The following SLC20A2 variants were observed in gnomAD, a reference collection of about 807,000 sequenced individuals.
SLC20A2 encodes sodium-dependent phosphate transporter 2.
In SLC20A2, 30 loss-of-function variants were observed where a neutral mutation model predicts 61.0. That is an observed-to-expected ratio of 0.49 (90% confidence interval 0.37 to 0.67). SLC20A2 has a LOEUF of 0.67. Among genes scored for constraint, SLC20A2 ranks in the 30% least tolerant of loss-of-function variants. The probability of loss-of-function intolerance (pLI) is 0.00; values close to 1 mark genes in which losing one functional copy is unlikely to be tolerated. For missense variants in SLC20A2, 626 were observed against 866.4 expected (o/e 0.72, Z 3.48); for synonymous variants, 351 against 353.3 (o/e 0.99, Z 0.07).
intron 1 of SLC20A2, among the ~76,000 whole-genome samples, chr8:42,500,018 A>C (rs1371342492): frequency 6.6e-6 from 1 of 152,254 alleles, no homozygotes; most frequent in Non-Finnish European, 1.5e-5. Context: ...AATAACAAAG[A>C]AGTCTTTAAC....
At chr8:42,503,267 T>C (rs1810434103), upstream of SLC20A2, among the ~76,000 whole-genome samples, 1 of 152,264 alleles carries the variant, frequency 6.6e-6, no homozygotes, top group African/African-American at 2.4e-5. Flanking sequence ...GGTATACTTA[T>C]GACAGTAGAT....
chr8:42,491,242 T>C (rs6474399), intron 1 of SLC20A2, among the ~76,000 whole-genome samples: 63,483 of 151,754 alleles, frequency 0.42, 13,444 homozygotes, highest in Admixed American at 0.47. Flanking sequence ...TGGCCGGGTA[T>C]GGTGACTCAT....
At chr8:42,462,633 G>GA (rs560239606) in intron 4 of SLC20A2, among the ~76,000 whole-genome samples, 69 of 150,588 alleles carry the variant, frequency 4.6e-4, no homozygotes, top group African/African-American at 1.6e-3. Flanking sequence ...TTTGGGTGAG[G>GA]AAATTCTCCA....
chr8:42,516,831 A>G (rs1451434850), intron 1 of SLC20A2, among the ~76,000 whole-genome samples: 2 of 144,794 alleles, frequency 1.4e-5, no homozygotes, highest in Non-Finnish European at 2.9e-5. Flanking sequence ...CGGTGCTCTA[A>G]CTAACCCACA....
At chr8:42,444,607 G>A (rs1360771841) in intron 6 of SLC20A2, 39 bp downstream of exon 6, 2 of 1,480,906 alleles carry the variant, frequency 1.4e-6, no homozygotes, top group Admixed American at 1.7e-5. Flanking sequence ...TGGGAATCGG[G>A]AGCATTTCTG....
chr8:42,519,003 G>T (rs1030277357), intron 1 of SLC20A2, among the ~76,000 whole-genome samples: 8 of 152,218 alleles, frequency 5.3e-5, no homozygotes, highest in African/African-American at 1.7e-4. Flanking sequence ...TAAAAGCTAT[G>T]TGGAACGCAC....
chr8:42,531,156 C>T (rs1231338367), intron 1 of SLC20A2, among the ~76,000 whole-genome samples: 1 of 152,186 alleles, frequency 6.6e-6, no homozygotes, highest in African/African-American at 2.4e-5. Flanking sequence ...AAGGACCATA[C>T]CTTATTCATC....
At position 42,500,357 on chromosome 8, in the gene SLC20A2, G is replaced by A. The variant is rs1330283747; in HGVS notation, c.-265+674C>T. On this transcript the variant is annotated intron_variant, in intron 1 of 10. Coordinates refer to ENST00000520262, the MANE Select transcript of SLC20A2 (RefSeq NM_001257180.2). ...TTTGTTTTCTTCAGTACAAATTTAA[G>A]TTGGTAATAATGTGTTAGATGAACT... Among the ~76,000 whole-genome samples, 2 of 152,174 alleles carry A rather than the reference G, an allele frequency of 1.3e-5. 1 individual carries two copies. The highest frequency in any genetic ancestry group is 2.9e-5 in the Non-Finnish European group (2 of 68,024).
At chr8:42,481,456 G>C (rs190225918) in intron 1 of SLC20A2, among the ~76,000 whole-genome samples, 1 of 152,238 alleles carries the variant, frequency 6.6e-6, no homozygotes, top group African/African-American at 2.4e-5. Flanking sequence ...TCCAACTCTG[G>C]GCGCTGAGGT....
chr8:42,531,185 A>T (rs190085850), intron 1 of SLC20A2, among the ~76,000 whole-genome samples: 2 of 152,238 alleles, frequency 1.3e-5, no homozygotes, highest in African/African-American at 2.4e-5. Flanking sequence ...TCCAGAACAC[A>T]GGCTGGACCT....
At chr8:42,443,388 C>T (rs2131045925) in intron 6 of SLC20A2, among the ~76,000 whole-genome samples, 1 of 149,346 alleles carries the variant, frequency 6.7e-6, no homozygotes, top group Non-Finnish European at 1.5e-5. Context: ...GATCTTGGCT[C>T]ACTGCAACCT....
chr8:42,496,432 T>C (rs1458299433), intron 1 of SLC20A2, among the ~76,000 whole-genome samples: 2 of 151,996 alleles, frequency 1.3e-5, no homozygotes, highest in Admixed American at 6.5e-5. Flanking sequence ...TACGTGCAAA[T>C]AAAGGTGGGT....
intron 1 of SLC20A2, among the ~76,000 whole-genome samples, chr8:42,498,509 T>G (rs896215063): frequency 5.3e-5 from 8 of 152,198 alleles, no homozygotes; most frequent in Non-Finnish European, 7.3e-5. Flanking sequence ...TGTCCTGCCT[T>G]GTTGTAGCAT....
intron 10 of SLC20A2, among the ~76,000 whole-genome samples, chr8:42,421,189 A>T (rs188927153): frequency 3.3e-5 from 5 of 152,096 alleles, no homozygotes; most frequent in East Asian, 1.9e-4. Context: ...TTTCTTTTTT[A>T]AAAAATTATT....
chr8:42,469,684 C>CT (rs1444546332), intron 2 of SLC20A2, among the ~76,000 whole-genome samples: 1 of 152,166 alleles, frequency 6.6e-6, no homozygotes, highest in East Asian at 1.9e-4. Context: ...AATCCCAGCA[C>CT]TTTGGGAGGC....
At chr8:42,486,187 A>G (rs917568593) in intron 1 of SLC20A2, among the ~76,000 whole-genome samples, 1 of 150,240 alleles carries the variant, frequency 6.7e-6, no homozygotes, top group African/African-American at 2.5e-5. Flanking sequence ...GACTCAAATT[A>G]CTGTCTAGTG....
intron 1 of SLC20A2, among the ~76,000 whole-genome samples, chr8:42,530,312 C>A (rs1272515120): frequency 6.6e-6 from 1 of 151,966 alleles, no homozygotes; most frequent in Non-Finnish European, 1.5e-5. Flanking sequence ...TTTAAAAAAG[C>A]AAAAAAGTTA....
intron 6 of SLC20A2, among the ~76,000 whole-genome samples, 196 bp from the exon 7 acceptor site, chr8:42,439,849 G>C (rs1284747490): frequency 6.6e-6 from 1 of 152,142 alleles, no homozygotes; most frequent in African/African-American, 2.4e-5. Context: ...CACTTTGGGA[G>C]GCCGAAGCAG....
chr8:42,428,608 A>C lies in SLC20A2; in HGVS notation c.1794+150T>G, dbSNP rs16891316. On this transcript the variant is annotated intron_variant, in intron 10 of 10. Coordinates refer to ENST00000520262, the MANE Select transcript of SLC20A2 (RefSeq NM_001257180.2). ...GGAGGACGGTGGAGGGAACAGATGG[A>C]GGAATACAAGGTCCCGGAGACCTGG... is the stretch of plus-strand genomic sequence containing the variant. 0.021 allele frequency: 12,359 copies of C among 597,512 alleles called. 491 individuals carry two copies. Among genetic ancestry groups the C allele is most frequent in the South Asian group, 0.11 (5,229 of 49,318 alleles). The allele number at this position is 597,512 out of a possible 1,614,324, so 37.0% of individuals were successfully genotyped here.
Sources: gnomAD v4.1 joint callset for allele counts (sites outside exome capture counted in the v4.1 genomes callset) on GRCh38, gnomAD v4.1.1 for gene constraint, MANE v1.5 for transcripts, NCBI Gene and HGNC (gene_info 2026-07-23, HGNC 2026-07-21) for gene names.